DYNC1I1: variants seen among roughly 807,000 people sequenced by gnomAD.
DYNC1I1 encodes the protein cytoplasmic dynein 1 intermediate chain 1.
A neutral mutation model predicts 86.6 loss-of-function variants in DYNC1I1; 43 were observed. That is an observed-to-expected ratio of 0.50 (90% CI 0.39 to 0.64). The LOEUF (loss-of-function observed/expected upper bound fraction) is 0.64. Ranked by LOEUF, DYNC1I1 falls within the 30% of genes least tolerant of loss-of-function variation. DYNC1I1 has a pLI of 0.00. For missense variants in DYNC1I1, 604 were observed against 788.8 expected (o/e 0.77, Z 2.81); for synonymous variants, 262 against 283.7 (o/e 0.92, Z 0.77).
intron 10 of DYNC1I1, among the ~76,000 whole-genome samples, chr7:96,002,951 C>A (rs1252169343): frequency 6.6e-6 from 1 of 152,086 alleles, no homozygotes; most frequent in African/African-American, 2.4e-5. Context: ...TCAAGCGATT[C>A]TCCTGCCTCA....
At chr7:95,918,100 GT>G (rs1791514876) in intron 6 of DYNC1I1, among the ~76,000 whole-genome samples, 1 of 152,172 alleles carries the variant, frequency 6.6e-6, no homozygotes, top group Non-Finnish European at 1.5e-5. Context: ...GGCTTGCTGG[GT>G]GGCCTTCAGG....
At chr7:96,081,553 G>A (rs537146019) in intron 16 of DYNC1I1, among the ~76,000 whole-genome samples, 69 of 152,240 alleles carry the variant, frequency 4.5e-4, no homozygotes, top group East Asian at 7.7e-4. Context: ...AAATAAGAGC[G>A]TTATGTAATG....
chr7:96,088,893 A>C (rs1048987752), intron 16 of DYNC1I1, among the ~76,000 whole-genome samples: 2 of 152,140 alleles, frequency 1.3e-5, no homozygotes, highest in Non-Finnish European at 2.9e-5. Context: ...TTAAATTTTA[A>C]AGCATGAGTT....
At chr7:95,828,610 A>T (rs1004179761) in intron 5 of DYNC1I1, among the ~76,000 whole-genome samples, 11 of 145,116 alleles carry the variant, frequency 7.6e-5, no homozygotes, top group Admixed American at 2.0e-4. Flanking sequence ...ATTCCTGTTT[A>T]AAAAAAACCA....
intron 6 of DYNC1I1, among the ~76,000 whole-genome samples, chr7:95,892,340 T>C (rs748723700): frequency 2.0e-5 from 3 of 151,632 alleles, no homozygotes; most frequent in Non-Finnish European, 4.4e-5. Flanking sequence ...GACAGAGTCT[T>C]GCTCTGTCGC....
intron 6 of DYNC1I1, among the ~76,000 whole-genome samples, chr7:95,926,106 C>A (rs562285287): frequency 1.3e-5 from 2 of 152,218 alleles, no homozygotes; most frequent in South Asian, 4.1e-4. Context: ...TGCTGAAAGG[C>A]AGCTTGGTTT....
intron 16 of DYNC1I1, among the ~76,000 whole-genome samples, chr7:96,093,143 G>A (rs775657490): frequency 9.2e-5 from 14 of 152,088 alleles, no homozygotes; most frequent in African/African-American, 1.4e-4. Context: ...GCCACAAAAC[G>A]TATCATTTTG....
chr7:95,872,549 A>G (rs918819836), intron 6 of DYNC1I1, among the ~76,000 whole-genome samples: 30 of 152,282 alleles, frequency 2.0e-4, no homozygotes, highest in African/African-American at 7.0e-4. Context: ...TCCTTTCTGT[A>G]CTGTGCACCG....
In DYNC1I1 at chr7:95,818,618, T is replaced by C. The variant is rs867717924; in HGVS notation, c.314+5281T>C. 2.6e-5 allele frequency: 15 copies of C among 582,726 alleles called. No homozygotes were observed. In the Middle Eastern group the frequency reaches 4.1e-3, roughly 158 times the overall value. 36.1% of individuals were successfully genotyped at this position (582,726 alleles called of 1,614,324 possible). A position where few individuals can be genotyped will look rare whatever the true frequency, so the allele number is the denominator to read the frequency against. ...GCCTCTCCCTCCCAAAGTGCTGAGATTACAGGCAGGACCCATTGTGCCCAG... is the reference window on the plus strand; with the variant it reads ...GCCTCTCCCTCCCAAAGTGCTGAGACTACAGGCAGGACCCATTGTGCCCAG... On this transcript the variant is annotated intron_variant, in intron 4 of 16. Transcript: ENST00000447467.
At chr7:96,025,411 T>C (rs1794653191) in intron 10 of DYNC1I1, among the ~76,000 whole-genome samples, 1 of 152,024 alleles carries the variant, frequency 6.6e-6, no homozygotes, top group South Asian at 2.1e-4. Context: ...TAACTATACC[T>C]CATCTTCCAA....
chr7:95,977,517 G>A lies in DYNC1I1; in HGVS notation c.496G>A (p.Glu166Lys). 2.5e-6 allele frequency: 4 copies of A among 1,612,482 alleles called. No homozygotes were observed. The highest frequency in any genetic ancestry group is 3.4e-6 in the Non-Finnish European group (4 of 1,179,428). Reference sequence around the variant, plus strand: ...TTTCTCTTTCTTTTTTCTAGAGGATGAGGAAGATGAGGAAATGGTGGAATC... The same window carrying A: ...TTTCTCTTTCTTTTTTCTAGAGGATAAGGAAGATGAGGAAATGGTGGAATC... ...PLATHQSEED[E>K]EDEEMVESKV... The change falls in exon 7 of 17, where the codon GAG becomes AAG. Residue 166 changes from glutamate (E) to lysine (K), a missense_variant. Transcript: ENST00000447467.
At chr7:96,037,517 GCTTTAT>G (rs1194214887) in intron 13 of DYNC1I1, among the ~76,000 whole-genome samples, 5 of 152,170 alleles carry the variant, frequency 3.3e-5, no homozygotes, top group Non-Finnish European at 1.5e-5. Context: ...TGGAGTCACA[GCTTTAT>G]CTATATGCGT....
intron 16 of DYNC1I1, among the ~76,000 whole-genome samples, chr7:96,094,646 G>A (rs1186042775): frequency 1.3e-5 from 2 of 152,188 alleles, no homozygotes; most frequent in African/African-American, 4.8e-5. Flanking sequence ...ACACTTTCAA[G>A]CTAAGATGAT....
chr7:95,851,983 C>G (rs527835510), intron 5 of DYNC1I1, among the ~76,000 whole-genome samples: 2 of 152,090 alleles, frequency 1.3e-5, no homozygotes, highest in Admixed American at 6.5e-5. Flanking sequence ...TTTTCAATAA[C>G]ATTCTTATCT....
intron 5 of DYNC1I1, among the ~76,000 whole-genome samples, chr7:95,839,721 A>G (rs1288413010): frequency 1.3e-5 from 2 of 152,136 alleles, no homozygotes; most frequent in Non-Finnish European, 2.9e-5. Flanking sequence ...AAGTTGAAGA[A>G]CTTTCTTTAG....
At chr7:95,846,625 CTCTGTGTGTGTG>C (rs1389455246) in intron 5 of DYNC1I1, among the ~76,000 whole-genome samples, 3 of 132,682 alleles carry the variant, frequency 2.3e-5, no homozygotes, top group Non-Finnish European at 4.8e-5. Flanking sequence ...AAATCTCTCT[CTCTGTGTGTGTG>C]TGTGTGTGTG....
At chr7:95,863,868 A>G (rs796195728) in intron 5 of DYNC1I1, among the ~76,000 whole-genome samples, 4 of 82,926 alleles carry the variant, frequency 4.8e-5, no homozygotes, top group African/African-American at 1.3e-4. Context: ...AAATAACTCT[A>G]TGCTTTGCAA....
At chr7:95,790,562 T>C (rs1287805526) in intron 1 of DYNC1I1, among the ~76,000 whole-genome samples, 2 of 152,232 alleles carry the variant, frequency 1.3e-5, no homozygotes, top group Admixed American at 6.5e-5. Context: ...CATGGACTTA[T>C]GGAATCTTTA....
intron 6 of DYNC1I1, among the ~76,000 whole-genome samples, chr7:95,930,300 G>A (rs925532071): frequency 2.0e-5 from 3 of 152,278 alleles, no homozygotes; most frequent in African/African-American, 7.2e-5. Context: ...GGCATTAATT[G>A]TAATTACTTG....
Sources: allele counts gnomAD v4.1 joint callset (sites outside exome capture counted in the v4.1 genomes callset), GRCh38; gene constraint gnomAD v4.1.1; transcripts MANE v1.5; gene names NCBI Gene and HGNC (gene_info 2026-07-23, HGNC 2026-07-21).